Variants in TENM4 observed in about 807,000 individuals in gnomAD.
TENM4 encodes the protein teneurin-4.
A neutral mutation model predicts 243.3 loss-of-function variants in TENM4; 82 were observed. The ratio of observed to expected loss-of-function variants is 0.34; its 90% CI spans 0.28 to 0.40. The LOEUF is 0.40. Among genes scored for constraint, TENM4 ranks in the 10% least tolerant of loss-of-function variants. The pLI is 1.00. For missense variants in TENM4, 3,138 were observed against 3,673.3 expected, an observed-to-expected ratio of 0.85 and a Z score of 3.77; for synonymous variants, 1,412 against 1,456.3, an observed-to-expected ratio of 0.97 and a Z score of 0.69.
intron 6 of TENM4, among the ~76,000 whole-genome samples, chr11:79,040,928 T>C (rs553501067): frequency 4.6e-5 from 7 of 152,178 alleles, no homozygotes; most frequent in African/African-American, 1.7e-4. Flanking sequence ...ACCCCAGAAC[T>C]TGCATCCTGC....
chr11:78,705,989 G>A (rs2135782934), intron 27 of TENM4, among the ~76,000 whole-genome samples: 1 of 152,296 alleles, frequency 6.6e-6, no homozygotes, highest in Non-Finnish European at 1.5e-5. Flanking sequence ...TAGACAATTT[G>A]TGTACATAAT....
chr11:78,918,056 G>A (rs1266335114), intron 6 of TENM4, among the ~76,000 whole-genome samples: 1 of 152,118 alleles, frequency 6.6e-6, no homozygotes, highest in African/African-American at 2.4e-5. Flanking sequence ...ATGCTCCATG[G>A]CAACTAAGTG....
intron 12 of TENM4, among the ~76,000 whole-genome samples, chr11:78,844,175 C>T (rs1262286394): frequency 5.3e-5 from 8 of 152,196 alleles, no homozygotes; most frequent in African/African-American, 7.2e-5. Context: ...CTGCTACTAT[C>T]TTATGGTCTT....
intron 25 of TENM4, 109 bp from the exon 26 acceptor site, chr11:78,712,823 A>C: frequency 9.9e-7 from 1 of 1,005,800 alleles, no homozygotes; most frequent in Non-Finnish European, 1.5e-6. Flanking sequence ...AAAATATCTT[A>C]TGGGGATGAT....
rs768500242 is a variant in TENM4 at position 78,658,330 on chromosome 11, C to G, written c.8038G>C (p.Gly2680Arg). The G allele has an allele frequency of 6.2e-7, 1 of 1,613,382 alleles. No homozygotes were observed. Among genetic ancestry groups the G allele is most frequent in the Non-Finnish European group, 8.5e-7 (1 of 1,179,656 alleles). The change falls in exon 34 of 34, where the codon GGG becomes CGG. Residue 2680 changes from glycine (G) to arginine (R), a missense_variant. This residue lies in a region of TENM4 where 2,467 missense variants were observed against 3,059.1 expected (regional missense o/e 0.81). Transcript: ENST00000278550. ...GCCTTCTCCTCATCCAACGTTGTCCCGTAGCGTGTGTTCAAGCACAGTGCC... is the reference window on the plus strand; with the variant it reads ...GCCTTCTCCTCATCCAACGTTGTCCGGTAGCGTGTGTTCAAGCACAGTGCC... ...YGALCLNTRYGTTLDEEKARV... is the reference protein window; with the variant it reads ...YGALCLNTRYRTTLDEEKARV...
At chr11:79,132,069 A>G (rs905387480) in intron 4 of TENM4, among the ~76,000 whole-genome samples, 1 of 152,008 alleles carries the variant, frequency 6.6e-6, no homozygotes, top group African/African-American at 2.4e-5. Context: ...AAGGCTAGGC[A>G]TGGTGGCTCC....
intron 1 of TENM4, among the ~76,000 whole-genome samples, chr11:79,313,699 C>T (rs539048207): frequency 2.0e-5 from 3 of 152,310 alleles, no homozygotes; most frequent in Admixed American, 1.3e-4. Context: ...TCAGACTCAA[C>T]AAATGGCCTC....
rs56237099 is a variant in TENM4 at position 79,081,534 on chromosome 11, GGT to G, written c.-65-11527_-65-11526del. Among the ~76,000 whole-genome samples, 64 of 148,278 alleles carry G rather than the reference GGT, an allele frequency of 4.3e-4. No individual in the cohort carries two copies. In the East Asian group the frequency reaches 4.9e-3, roughly 11 times the overall value. On this transcript the variant is annotated intron_variant, in intron 4 of 33. Coordinates refer to ENST00000278550, the MANE Select transcript of TENM4 (RefSeq NM_001098816.3). ...CCAGGCTGTCCTTCCTGTCAGAGGT[GGT>G]GTGTGTGTGTGTGTGTGTGTGTGTG...
intron 1 of TENM4, among the ~76,000 whole-genome samples, chr11:79,423,449 T>C (rs1302456903): frequency 6.6e-6 from 1 of 151,936 alleles, no homozygotes; most frequent in Non-Finnish European, 1.5e-5. Flanking sequence ...GAGCAGAGCA[T>C]GTGGTTTGAA....
intron 1 of TENM4, among the ~76,000 whole-genome samples, chr11:79,298,775 T>C (rs2135394683): frequency 6.6e-6 from 1 of 152,306 alleles, no homozygotes; most frequent in South Asian, 2.1e-4. Flanking sequence ...GTCTAAGGCC[T>C]GATGCTGTAA....
At chr11:78,851,072 G>T (rs1291580295) in intron 12 of TENM4, among the ~76,000 whole-genome samples, 1 of 152,184 alleles carries the variant, frequency 6.6e-6, no homozygotes, top group Non-Finnish European at 1.5e-5. Flanking sequence ...CTTCCCAGGT[G>T]ATTCTTTTAT....
intron 9 of TENM4, among the ~76,000 whole-genome samples, chr11:78,873,643 T>A (rs1297467098): frequency 6.6e-6 from 1 of 152,210 alleles, no homozygotes; most frequent in African/African-American, 2.4e-5. Flanking sequence ...GAAACCAACA[T>A]TGCCAATCTC....
At chr11:78,998,003 T>C (rs989398692) in intron 6 of TENM4, among the ~76,000 whole-genome samples, 3 of 152,196 alleles carry the variant, frequency 2.0e-5, no homozygotes, top group African/African-American at 7.2e-5. Context: ...GGCTGCTGTC[T>C]ATTAGCCAGA....
At chr11:79,370,044 A>G (rs2135507054) in intron 1 of TENM4, among the ~76,000 whole-genome samples, 1 of 152,250 alleles carries the variant, frequency 6.6e-6, no homozygotes, top group Non-Finnish European at 1.5e-5. Context: ...CATCAGTAAG[A>G]AAAAGGGTGA....
chr11:78,677,349 G>A (rs977654015), intron 29 of TENM4, among the ~76,000 whole-genome samples: 3 of 149,506 alleles, frequency 2.0e-5, no homozygotes, highest in Non-Finnish European at 3.0e-5. Context: ...CATACTCCTC[G>A]GCCCAAGCAA....
intron 6 of TENM4, among the ~76,000 whole-genome samples, chr11:78,910,021 G>C (rs187519482): frequency 1.3e-5 from 2 of 152,330 alleles, no homozygotes; most frequent in East Asian, 1.9e-4. Flanking sequence ...CTCGTGGAAA[G>C]ATTCCAGTGG....
chr11:78,701,669 C>A lies in TENM4; in HGVS notation c.4944G>T (p.Gln1648His). Reference protein sequence around the residue: ...MPLWLVVPDGQVYWVTMGTNS... With the variant: ...MPLWLVVPDGHVYWVTMGTNS... ...TGGTGCCCATGGTCACCCAGTACAC[C>A]TGGCCATCTGGGACCACCAGCCAGA... is the stretch of plus-strand genomic sequence containing the variant. The change falls in exon 28 of 34, where the codon CAG (glutamine) becomes CAT (histidine). Residue 1648 changes from glutamine (Q) to histidine (H), a missense_variant. Transcript: ENST00000278550. The A allele has an allele frequency of 6.2e-7, 1 of 1,613,924 alleles. No homozygotes were observed. The highest frequency in any genetic ancestry group is 8.5e-7 in the Non-Finnish European group (1 of 1,179,888).
intron 12 of TENM4, among the ~76,000 whole-genome samples, chr11:78,834,675 T>C (rs1215715355): frequency 1.3e-5 from 2 of 152,142 alleles, no homozygotes; most frequent in African/African-American, 2.4e-5. Context: ...TGGTACTTAT[T>C]TCCTCTGTTT....
chr11:78,862,174 G>T (rs1858838357), intron 10 of TENM4, among the ~76,000 whole-genome samples: 1 of 152,126 alleles, frequency 6.6e-6, no homozygotes, highest in Admixed American at 6.5e-5. Context: ...TAACCTTGGG[G>T]TAAGTCAGGT....
Sources: allele counts gnomAD v4.1 joint callset (sites outside exome capture counted in the v4.1 genomes callset), GRCh38; gene constraint gnomAD v4.1.1; regional missense constraint gnomAD v4.1.1; transcripts MANE v1.5; gene names NCBI Gene and HGNC (gene_info 2026-07-23, HGNC 2026-07-21).